The following FAT3 variants were observed in gnomAD, a reference collection of about 807,000 sequenced individuals.
FAT3 encodes protocadherin Fat 3.
FAT3 carries 95 observed loss-of-function variants against 310.2 expected under a neutral mutation model. The ratio of observed to expected loss-of-function variants is 0.31; its 90% CI spans 0.26 to 0.36. FAT3 has a LOEUF of 0.36. FAT3 is among the 10% of genes least tolerant of loss of function. The pLI, the probability that FAT3 is intolerant of heterozygous loss-of-function variation, is 1.00. For synonymous variants in FAT3, 2,314 were observed against 2,192.9 expected, an observed-to-expected ratio of 1.06 and a Z score of -1.54; for missense variants, 5,408 against 5,715.6, an observed-to-expected ratio of 0.95 and a Z score of 1.74.
In FAT3 at chr11:92,843,843, A is replaced by C. The variant is rs189733879; in HGVS notation, c.10567-91A>C. 1.4e-5 allele frequency: 17 copies of C among 1,199,816 alleles called. 1 individual carries two copies. The Admixed American group carries it at 3.9e-4, about 27-fold the overall frequency. The allele number at this position is 1,199,816 out of a possible 1,614,324, so 74.3% of individuals were successfully genotyped here. A position where few individuals can be genotyped will look rare whatever the true frequency, so the allele number is the denominator to read the frequency against. On this transcript the variant is annotated intron_variant, in intron 18 of 27. Coordinates refer to ENST00000525166, the MANE Select transcript of FAT3 (RefSeq NM_001367949.2). ...GGAATGAAGGAAGAAGCAAACGTAA[A>C]GGTACAGACGTCTTCTATCTGCGGG... is the stretch of plus-strand genomic sequence containing the variant.
intron 4 of FAT3, among the ~76,000 whole-genome samples, chr11:92,727,656 C>A (rs961668730): frequency 6.6e-6 from 1 of 152,148 alleles, no homozygotes; most frequent in Non-Finnish European, 1.5e-5. Context: ...ATGGGCAGCA[C>A]GCACTGCCTA....
intron 21 of FAT3, among the ~76,000 whole-genome samples, chr11:92,866,331 A>G (rs1949246320): frequency 6.6e-6 from 1 of 152,196 alleles, no homozygotes; most frequent in Non-Finnish European, 1.5e-5. Context: ...TGCTTACCGT[A>G]TAGTAGATGT....
intron 3 of FAT3, among the ~76,000 whole-genome samples, chr11:92,583,791 C>T (rs910811220): frequency 6.6e-6 from 1 of 151,880 alleles, no homozygotes; most frequent in Non-Finnish European, 1.5e-5. Flanking sequence ...ATGCATTGTT[C>T]GTTCATTTTA....
intron 3 of FAT3, among the ~76,000 whole-genome samples, chr11:92,640,192 A>T (rs1289953293): frequency 6.6e-6 from 1 of 152,004 alleles, no homozygotes; most frequent in Non-Finnish European, 1.5e-5. Flanking sequence ...CTCAGGACAG[A>T]TTTTAGGTTC....
chr11:92,535,439 T>G (rs542507094), intron 3 of FAT3, among the ~76,000 whole-genome samples: 15 of 152,310 alleles, frequency 9.8e-5, no homozygotes, highest in African/African-American at 3.6e-4. Context: ...TTGTGGTGCT[T>G]GGTTACAGCA....
At chr11:92,686,797 A>G (rs778162803) in intron 3 of FAT3, among the ~76,000 whole-genome samples, 156 of 152,340 alleles carry the variant, frequency 1.0e-3, no homozygotes, top group Non-Finnish European at 1.3e-3. Flanking sequence ...CAAAGCACAC[A>G]TGCATTTTCA....
intron 9 of FAT3, among the ~76,000 whole-genome samples, chr11:92,794,338 T>C (rs984385137): frequency 1.3e-5 from 2 of 152,198 alleles, no homozygotes; most frequent in African/African-American, 2.4e-5. Flanking sequence ...TTTTTTCCAA[T>C]GTTGTGTTTT....
intron 4 of FAT3, among the ~76,000 whole-genome samples, chr11:92,735,346 C>T (rs1236960369): frequency 1.3e-5 from 2 of 152,158 alleles, no homozygotes; most frequent in African/African-American, 4.8e-5. Flanking sequence ...AAGAGGCTCT[C>T]ACTGTCTTTG....
At chr11:92,363,565 G>A (rs1468759609) in intron 2 of FAT3, among the ~76,000 whole-genome samples, 1 of 152,188 alleles carries the variant, frequency 6.6e-6, no homozygotes, top group African/African-American at 2.4e-5. Flanking sequence ...TAAGACAGAT[G>A]TTATTTGGTG....
chr11:92,491,651 G>C (rs112978145), intron 2 of FAT3, among the ~76,000 whole-genome samples: 1 of 152,080 alleles, frequency 6.6e-6, no homozygotes, highest in Non-Finnish European at 1.5e-5. Context: ...GCAGTAGGGG[G>C]ATGACATTAG....
intron 1 of FAT3, among the ~76,000 whole-genome samples, chr11:92,267,605 A>G (rs1349363848): frequency 6.6e-6 from 1 of 152,014 alleles, no homozygotes; most frequent in Non-Finnish European, 1.5e-5. Context: ...AAATGATCCC[A>G]AAGAAAATGA....
chr11:92,867,074 C>A lies in FAT3; in HGVS notation c.11992C>A (p.Leu3998Met), dbSNP rs1303217347. ...SVILNNNELP[L>M]QNKRSSFAEV... is the part of the protein sequence containing the mutation. ...GATACTGAATAACAATGAGCTGCCG[C>A]TGCAGAACAAGCGCAGCAGCTTCGC... Residue 3998 changes from leucine to methionine, a missense_variant, in exon 22 of 28, where the codon CTG becomes ATG. Physicochemically the swap from Leu to Met is conservative, Grantham distance 15 (BLOSUM62 2). This residue lies in a region of FAT3 where 4,588 missense variants were observed against 4,809.8 expected (regional missense o/e 0.95). Transcript: ENST00000525166. The A allele has an allele frequency of 1.9e-6, 3 of 1,592,528 alleles. No individual in the cohort carries two copies. Among genetic ancestry groups the A allele is most frequent in the Non-Finnish European group, 2.6e-6 (3 of 1,169,844 alleles).
At chr11:92,873,209 G>A (rs1432028341) in intron 22 of FAT3, among the ~76,000 whole-genome samples, 4 of 152,124 alleles carry the variant, frequency 2.6e-5, no homozygotes, top group African/African-American at 7.2e-5. Context: ...ATAAAATAAG[G>A]AAGTTCCTAG....
chr11:92,382,188 A>G (rs1949511402), intron 2 of FAT3, among the ~76,000 whole-genome samples: 1 of 152,190 alleles, frequency 6.6e-6, no homozygotes, highest in Admixed American at 6.5e-5. Flanking sequence ...GTAAAAAGAC[A>G]TGGCTTCACA....
chr11:92,792,692 CA>C, intron 8 of FAT3, 74 bp from the exon 9 acceptor site: 1 of 1,432,094 alleles, frequency 7.0e-7, no homozygotes. Context: ...ATTTTGTTTT[CA>C]CCCCAAACAT....
intron 2 of FAT3, among the ~76,000 whole-genome samples, chr11:92,431,129 A>G (rs1950762185): frequency 6.6e-6 from 1 of 152,190 alleles, no homozygotes; most frequent in African/African-American, 2.4e-5. Context: ...TCCCACCAAC[A>G]GTGTAAAAGT....
At chr11:92,646,319 A>G (rs1458321) in intron 3 of FAT3, among the ~76,000 whole-genome samples, 43,124 of 152,164 alleles carry the variant, frequency 0.28, 6,436 homozygotes, top group Non-Finnish European at 0.33. Flanking sequence ...GAATTTCTAC[A>G]ACATGGCACA....
At chr11:92,776,289 A>G (rs886925231) in intron 7 of FAT3, among the ~76,000 whole-genome samples, 1 of 152,230 alleles carries the variant, frequency 6.6e-6, no homozygotes, top group Non-Finnish European at 1.5e-5. Flanking sequence ...TATTCAGCAG[A>G]GTCTATGCAG....
chr11:92,724,988 G>A (rs1019508874), intron 4 of FAT3, among the ~76,000 whole-genome samples: 1 of 152,098 alleles, frequency 6.6e-6, no homozygotes, highest in African/African-American at 2.4e-5. Flanking sequence ...AATAAGAAAA[G>A]TTGAGGAGCA....
Sources: allele counts gnomAD v4.1 joint callset (sites outside exome capture counted in the v4.1 genomes callset), GRCh38; gene constraint gnomAD v4.1.1; regional missense constraint gnomAD v4.1.1; transcripts MANE v1.5; gene names NCBI Gene and HGNC (gene_info 2026-07-23, HGNC 2026-07-21).